The following VPS36 variants were observed in gnomAD, a reference collection of about 807,000 sequenced individuals.
VPS36 encodes vacuolar protein-sorting-associated protein 36.
VPS36 carries 31 observed loss-of-function variants against 63.5 expected under a neutral mutation model. That is an observed-to-expected ratio of 0.49 (90% confidence interval 0.37 to 0.66). VPS36 has a LOEUF of 0.66. Among genes scored for constraint, VPS36 ranks in the 30% least tolerant of loss-of-function variants. VPS36 has a pLI of 0.00. For synonymous variants in VPS36, 138 were observed against 157.2 expected (o/e 0.88, Z 0.91); for missense variants, 338 against 463.7 (o/e 0.73, Z 2.49).
At chr13:52,429,348 T>C in intron 6 of VPS36, 5 of 954,922 alleles carry the variant, frequency 5.2e-6, no homozygotes, top group Non-Finnish European at 6.2e-6. Flanking sequence ...TGGGTTCTTC[T>C]TATCCATGCT....
intron 1 of VPS36, among the ~76,000 whole-genome samples, chr13:52,447,032 C>G (rs1439760213): frequency 6.6e-6 from 1 of 151,868 alleles, no homozygotes; most frequent in Non-Finnish European, 1.5e-5. Flanking sequence ...CCCGCCACCA[C>G]GCCCAGCTAA....
chr13:52,429,237 T>C, intron 6 of VPS36: 1 of 985,036 alleles, frequency 1.0e-6, no homozygotes, highest in Non-Finnish European at 1.2e-6. Context: ...CTTACTTACT[T>C]TTAGTTATCA....
chr13:52,430,304 T>C lies in VPS36; in HGVS notation c.529-3085A>G, dbSNP rs764680571. 2.6e-5 allele frequency among the ~76,000 whole-genome samples: 4 copies of C among 152,140 alleles called. No individual in the cohort carries two copies. In the East Asian group the frequency reaches 7.7e-4, roughly 29 times the overall value. Reference sequence around the variant, plus strand: ...CAGTGAAACTGCAACATACAGCTAATAGGAGTCCCAGAAGAAAAAAAATCA... The same window carrying C: ...CAGTGAAACTGCAACATACAGCTAACAGGAGTCCCAGAAGAAAAAAAATCA... On this transcript the variant is annotated intron_variant, in intron 6 of 13. Transcript: ENST00000378060.
chr13:52,430,939 G>T (rs1192979833), intron 6 of VPS36, among the ~76,000 whole-genome samples: 1 of 151,628 alleles, frequency 6.6e-6, no homozygotes, highest in Non-Finnish European at 1.5e-5. Context: ...CTCAAAGAAA[G>T]AAAATGTGAG....
At chr13:52,439,210 C>T (rs750613848) in intron 2 of VPS36, 42 bp from the exon 3 acceptor site, 1 of 1,562,820 alleles carries the variant, frequency 6.4e-7, no homozygotes, top group Non-Finnish European at 8.8e-7. Flanking sequence ...CTCTAAACAA[C>T]ATCCATAACA....
intron 9 of VPS36, 170 bp downstream of exon 9, chr13:52,425,762 A>T: frequency 1.6e-6 from 1 of 612,052 alleles, no homozygotes; most frequent in Non-Finnish European, 2.4e-6. Flanking sequence ...TTAGAAAATT[A>T]CAAAGAATAA....
intron 10 of VPS36, among the ~76,000 whole-genome samples, chr13:52,420,474 A>G (rs1476948187): frequency 6.6e-6 from 1 of 151,788 alleles, no homozygotes; most frequent in East Asian, 2.0e-4. Flanking sequence ...CTGGGATTAC[A>G]GGTGCCTGCC....
At position 52,436,425 on chromosome 13, in the gene VPS36, ATAT is replaced by A. The variant is rs1253885385; in HGVS notation, c.237-24_237-22del. 6 of 1,493,856 alleles carry A rather than the reference ATAT, an allele frequency of 4.0e-6. No homozygotes were observed. The African/African-American group carries it at 8.3e-5, about 21-fold the overall frequency. The allele number at this position is 1,493,856 out of a possible 1,614,324, so 92.5% of individuals were successfully genotyped here. On this transcript the variant is annotated intron_variant, in intron 3 of 13. Transcript: ENST00000378060. ...TGGCACTGAAGAAAGAACAAATGTA[ATAT>A]ATTGAATTGTCTTTCAAAAAAATAT...
chr13:52,426,696 A>G (rs1407303927), intron 8 of VPS36, among the ~76,000 whole-genome samples: 4 of 152,128 alleles, frequency 2.6e-5, no homozygotes, highest in Non-Finnish European at 5.9e-5. Context: ...TCTACTAAAA[A>G]TACAAAAAAT....
chr13:52,445,802 T>G (rs1594125505), intron 1 of VPS36, among the ~76,000 whole-genome samples: 2 of 128,336 alleles, frequency 1.6e-5, no homozygotes, highest in African/African-American at 2.9e-5. Flanking sequence ...TAGCCGGGTG[T>G]GGTAGCGGGT....
chr13:52,450,102 G>A (rs1001332150), intron 1 of VPS36: 2 of 990,158 alleles, frequency 2.0e-6, no homozygotes, highest in African/African-American at 3.5e-5. Flanking sequence ...CGCCGAGGTT[G>A]GTGTCGTCAG....
At chr13:52,432,350 C>CAAAAAACAAAACAAAACAAAACA (rs1958167771) in intron 6 of VPS36, among the ~76,000 whole-genome samples, 1 of 151,318 alleles carries the variant, frequency 6.6e-6, no homozygotes, top group Non-Finnish European at 1.5e-5. Flanking sequence ...GACTCTGTCT[C>CAAAAAACAAAACAAAACAAAACA]AAAAAACAAA....
At chr13:52,427,772 T>C (rs1446863154) in intron 6 of VPS36, among the ~76,000 whole-genome samples, 2 of 152,158 alleles carry the variant, frequency 1.3e-5, no homozygotes, top group African/African-American at 4.8e-5. Context: ...AAATAATTAT[T>C]ATTGATTAAA....
chr13:52,446,483 G>C (rs1343170198), intron 1 of VPS36, among the ~76,000 whole-genome samples: 3 of 152,178 alleles, frequency 2.0e-5, no homozygotes, highest in African/African-American at 4.8e-5. Flanking sequence ...CAGGATTCCA[G>C]TGGATTAAGA....
intron 6 of VPS36, among the ~76,000 whole-genome samples, chr13:52,430,428 C>A (rs146647974): frequency 7.2e-5 from 11 of 151,982 alleles, no homozygotes; most frequent in Non-Finnish European, 1.3e-4. Context: ...GTCAGGAGTT[C>A]GAGACCAGCC....
intron 1 of VPS36, 42 bp from the exon 2 acceptor site, chr13:52,442,487 T>C (rs780399996): frequency 6.5e-7 from 1 of 1,536,492 alleles, no homozygotes. Flanking sequence ...AACATATCAC[T>C]CATTGTGGTT....
chr13:52,416,237 A>T, intron 12 of VPS36, 144 bp from the exon 13 acceptor site: 1 of 783,498 alleles, frequency 1.3e-6, no homozygotes, highest in Non-Finnish European at 2.0e-6. Context: ...TCCAAAGAAC[A>T]TTCACACTAT....
chr13:52,421,924 G>A (rs117611727), intron 10 of VPS36, among the ~76,000 whole-genome samples: 1 of 152,094 alleles, frequency 6.6e-6, no homozygotes. Context: ...ATCAAGTCAG[G>A]GTTATTTGGG....
chr13:52,449,180 C>T (rs925063696), intron 1 of VPS36, among the ~76,000 whole-genome samples: 33 of 152,060 alleles, frequency 2.2e-4, no homozygotes, highest in African/African-American at 8.0e-4. Context: ...CCCGTCTCTA[C>T]TAAATATGCA....
Sources: allele counts gnomAD v4.1 joint callset (sites outside exome capture counted in the v4.1 genomes callset), GRCh38; gene constraint gnomAD v4.1.1; transcripts MANE v1.5; gene names NCBI Gene and HGNC (gene_info 2026-07-23, HGNC 2026-07-21).